TTLL1: variants seen among roughly 807,000 people sequenced by gnomAD.
TTLL1 encodes the protein TTL family tubulin polyglutamylase complex subunit L1.
TTLL1 carries 33 observed loss-of-function variants against 47.8 expected under a neutral mutation model. The ratio of observed to expected loss-of-function variants is 0.69; its 90% CI spans 0.52 to 0.92. The LOEUF (loss-of-function observed/expected upper bound fraction) is 0.92. Ranked by LOEUF, TTLL1 falls within the 40% of genes least tolerant of loss-of-function variation. The pLI, the probability that TTLL1 is intolerant of heterozygous loss-of-function variation, is 0.00. For missense variants in TTLL1, 488 were observed against 547.5 expected (o/e 0.89, Z 1.08); for synonymous variants, 225 against 214.1 (o/e 1.05, Z -0.45).
At chr22:43,068,353 A>G in intron 5 of TTLL1, 57 bp downstream of exon 5, 2 of 1,358,634 alleles carry the variant, frequency 1.5e-6, no homozygotes, top group Non-Finnish European at 1.9e-6. Flanking sequence ...GACTGCGAAC[A>G]GCATAAAACG....
At chr22:43,066,088 C>T (rs1012775741) in intron 5 of TTLL1, among the ~76,000 whole-genome samples, 7 of 147,024 alleles carry the variant, frequency 4.8e-5, no homozygotes, top group East Asian at 2.1e-4. Context: ...GAACCTGGGA[C>T]GTGGAGGTTG....
intron 10 of TTLL1, among the ~76,000 whole-genome samples, chr22:43,043,470 C>CA (rs1472716278): frequency 6.6e-6 from 1 of 152,026 alleles, no homozygotes; most frequent in Non-Finnish European, 1.5e-5. Context: ...GCACAGGGGC[C>CA]ATCAGGACCC....
At chr22:43,088,344 T>C (rs1288157605) in intron 1 of TTLL1, among the ~76,000 whole-genome samples, 1 of 122,998 alleles carries the variant, frequency 8.1e-6, no homozygotes, top group Non-Finnish European at 1.7e-5. Context: ...TTTTTTTTTT[T>C]TTTTTTTTTT....
intron 9 of TTLL1, among the ~76,000 whole-genome samples, chr22:43,048,148 T>C (rs1019908828): frequency 4.0e-5 from 6 of 151,872 alleles, no homozygotes; most frequent in Middle Eastern, 6.8e-3. Context: ...AAACCCTGTC[T>C]CTACTAAAAA....
intron 10 of TTLL1, 78 bp from the exon 11 acceptor site, chr22:43,039,983 C>CA: frequency 6.5e-7 from 1 of 1,526,826 alleles, no homozygotes; most frequent in Non-Finnish European, 8.9e-7. Context: ...TGCTGTGTGG[C>CA]AAATATGACA....
Position 43,069,745 on chromosome 22 carries a change from CA to C in TTLL1, c.212del (p.Leu71ArgfsTer6). 3.7e-6 allele frequency: 6 copies of C among 1,614,166 alleles called. No individual in the cohort carries two copies. Among genetic ancestry groups the C allele is most frequent in the Non-Finnish European group, 4.2e-6 (5 of 1,180,046 alleles). ...IVNHFPNHYE[L>X]TRKDLMVKNI... The stretch of plus-strand genomic sequence containing the variant: ...TCTTCACCATCAGGTCCTTCCGGGT[CA>C]GTTCATAGTGGTTTGGAAAATGGTT... On this transcript the variant is annotated frameshift_variant, in exon 4 of 11. Transcript: ENST00000266254. LOFTEE classifies it high-confidence loss of function.
chr22:43,065,060 G>A (rs1213493818), intron 5 of TTLL1, among the ~76,000 whole-genome samples: 1 of 151,296 alleles, frequency 6.6e-6, no homozygotes, highest in African/African-American at 2.4e-5. Flanking sequence ...CAGGATAATC[G>A]CTTGAACCCG....
In TTLL1 at chr22:43,068,270, T is replaced by C. The variant is rs369980677; in HGVS notation, c.503+140A>G. ...AGGCGGAGGTTGCAGTGAGCTGAGATTGTGCCACTGTAATCCTGCCTGGGC... is the reference window on the plus strand; with the variant it reads ...AGGCGGAGGTTGCAGTGAGCTGAGACTGTGCCACTGTAATCCTGCCTGGGC... On this transcript the variant is annotated intron_variant, in intron 5 of 10. Coordinates refer to ENST00000266254, the MANE Select transcript of TTLL1 (RefSeq NM_012263.5). The C allele has an allele frequency of 3.4e-5, 22 of 648,220 alleles. 1 individual carries two copies. The highest frequency in any genetic ancestry group is 3.3e-4 in the African/African-American group (18 of 54,180). 40.2% of individuals were successfully genotyped at this position (648,220 alleles called of 1,614,324 possible).
chr22:43,058,084 C>T (rs535662033), intron 8 of TTLL1, among the ~76,000 whole-genome samples: 1 of 152,100 alleles, frequency 6.6e-6, no homozygotes, highest in East Asian at 1.9e-4. Context: ...GCTGGGACTA[C>T]AGGCGCCCAC....
chr22:43,044,485 C>A (rs1050073426), intron 10 of TTLL1, among the ~76,000 whole-genome samples: 19 of 152,152 alleles, frequency 1.2e-4, no homozygotes, highest in African/African-American at 4.3e-4. Context: ...ACAAGCCTGA[C>A]GTCTCTGTGT....
intron 8 of TTLL1, 98 bp from the exon 9 acceptor site, chr22:43,051,985 C>A: frequency 4.5e-6 from 5 of 1,100,298 alleles, no homozygotes; most frequent in Non-Finnish European, 6.9e-6. Flanking sequence ...ACGTCCCGAC[C>A]TCCCACAGCA....
At chr22:43,042,690 C>T (rs931520811) in intron 10 of TTLL1, among the ~76,000 whole-genome samples, 2 of 152,154 alleles carry the variant, frequency 1.3e-5, no homozygotes, top group Non-Finnish European at 2.9e-5. Context: ...ATGACGTGGC[C>T]CTCCCAGTCA....
chr22:43,077,613 G>A (rs1896774176), intron 2 of TTLL1, among the ~76,000 whole-genome samples: 3 of 152,150 alleles, frequency 2.0e-5, no homozygotes, highest in African/African-American at 7.2e-5. Context: ...GCCACTGTGG[G>A]ACTCGGAGCT....
intron 10 of TTLL1, among the ~76,000 whole-genome samples, chr22:43,040,700 C>T (rs1198699898): frequency 6.6e-6 from 1 of 152,224 alleles, no homozygotes. Flanking sequence ...CCCATTCGGC[C>T]TCCCAAAGTG....
rs575121237 is a variant in TTLL1 at position 43,063,488 on chromosome 22, CAG to C, written c.747+323_747+324del. ...TTTTTTTTTTTTTTTTCTTTTGAGA[CAG>C]AGTCTCGCTCAGTTGTCCAGGCTGG... is the stretch of plus-strand genomic sequence containing the variant. On this transcript the variant is annotated intron_variant, in intron 7 of 10. Coordinates refer to ENST00000266254, the MANE Select transcript of TTLL1 (RefSeq NM_012263.5). Among the ~76,000 whole-genome samples the C allele has an allele frequency of 2.1e-5, 3 of 144,648 alleles. No individual in the cohort carries two copies. In the South Asian group the frequency reaches 6.7e-4, roughly 32 times the overall value. 94.9% of individuals were successfully genotyped at this position (144,648 alleles called of 152,430 possible).
chr22:43,057,512 T>G (rs1334205058), intron 8 of TTLL1, among the ~76,000 whole-genome samples: 1 of 152,162 alleles, frequency 6.6e-6, no homozygotes, highest in African/African-American at 2.4e-5. Flanking sequence ...CTTTTGCTCT[T>G]TGACATGGTG....
chr22:43,070,627 T>C (rs547635653), intron 3 of TTLL1, among the ~76,000 whole-genome samples: 1 of 152,254 alleles, frequency 6.6e-6, no homozygotes, highest in East Asian at 1.9e-4. Context: ...GAATCTTTTT[T>C]GACTTTTTAT....
At chr22:43,082,782 G>C (rs756929821) in intron 1 of TTLL1, among the ~76,000 whole-genome samples, 1 of 151,798 alleles carries the variant, frequency 6.6e-6, no homozygotes, top group Non-Finnish European at 1.5e-5. Flanking sequence ...GGGAGGCCAA[G>C]GTGGGTGGAT....
intron 9 of TTLL1, among the ~76,000 whole-genome samples, chr22:43,050,349 G>A (rs993937731): frequency 3.3e-5 from 5 of 151,606 alleles, no homozygotes; most frequent in African/African-American, 1.2e-4. Flanking sequence ...CCGGGAGGCG[G>A]AGGTTGCAGT....
Sources: gnomAD v4.1 joint callset for allele counts (sites outside exome capture counted in the v4.1 genomes callset) on GRCh38, gnomAD v4.1.1 for gene constraint, MANE v1.5 for transcripts, NCBI Gene and HGNC (gene_info 2026-07-23, HGNC 2026-07-21) for gene names.